MALRD1: variants seen among roughly 807,000 people sequenced by gnomAD.
MALRD1 encodes MAM and LDL-receptor class A domain-containing protein 1.
A neutral mutation model predicts 242.1 loss-of-function variants in MALRD1; 247 were observed. The observed-to-expected ratio is 1.02, with a 90% CI of 0.92 to 1.13. MALRD1 has a LOEUF of 1.13. Ranked by LOEUF, MALRD1 falls within the 50% of genes most tolerant of loss-of-function variation. The pLI is 0.00. For missense variants in MALRD1, 2,989 were observed against 2,533.1 expected, an observed-to-expected ratio of 1.18 and a Z score of -3.86; for synonymous variants, 995 against 866.6, an observed-to-expected ratio of 1.15 and a Z score of -2.60.
At chr10:19,494,918 T>C (rs1164628922) in intron 30 of MALRD1, among the ~76,000 whole-genome samples, 1 of 151,470 alleles carries the variant, frequency 6.6e-6, no homozygotes, top group East Asian at 1.9e-4. Flanking sequence ...ATTCAGGAAA[T>C]GAAGAGAACC....
intron 28 of MALRD1, among the ~76,000 whole-genome samples, chr10:19,426,664 A>G (rs1343311512): frequency 2.6e-5 from 4 of 152,022 alleles, no homozygotes; most frequent in Non-Finnish European, 4.4e-5. Flanking sequence ...TTAGCTGGGC[A>G]TGGTGGGGCA....
chr10:19,125,549 T>C (rs1034704862), intron 7 of MALRD1, among the ~76,000 whole-genome samples: 1 of 151,372 alleles, frequency 6.6e-6, no homozygotes, highest in Non-Finnish European at 1.5e-5. Flanking sequence ...CTTTCTTCCT[T>C]TTCTTGGAGG....
At chr10:19,345,894 C>T (rs1257043951) in intron 24 of MALRD1, among the ~76,000 whole-genome samples, 1 of 151,820 alleles carries the variant, frequency 6.6e-6, no homozygotes, top group Non-Finnish European at 1.5e-5. Context: ...TATATATCCC[C>T]AAATGACATA....
At chr10:19,501,585 C>T (rs539718522) in intron 31 of MALRD1, among the ~76,000 whole-genome samples, 1 of 152,114 alleles carries the variant, frequency 6.6e-6, no homozygotes, top group African/African-American at 2.4e-5. Context: ...ACTAGTACCC[C>T]CTTATTGTGC....
In MALRD1 at chr10:19,057,936, G is replaced by T. The variant is rs186379738; in HGVS notation, c.200-8783G>T. 3.4e-3 allele frequency among the ~76,000 whole-genome samples: 517 copies of T among 152,192 alleles called. 1 individual carries two copies. The highest frequency in any genetic ancestry group is 0.012 in the African/African-American group (506 of 41,538). On this transcript the variant is annotated intron_variant, in intron 1 of 39. Transcript: ENST00000454679. ...AGAATGTGATTGTTAAAAATATTAAGCATATGTGTAATATATTTAACAAAT... is the reference window on the plus strand; with the variant it reads ...AGAATGTGATTGTTAAAAATATTAATCATATGTGTAATATATTTAACAAAT...
chr10:19,233,353 T>C (rs1035793655), intron 18 of MALRD1, among the ~76,000 whole-genome samples: 1 of 151,988 alleles, frequency 6.6e-6, no homozygotes. Context: ...AATACAAAAA[T>C]TAGCCAGGTG....
At chr10:19,170,605 C>G (rs2131521462) in intron 13 of MALRD1, among the ~76,000 whole-genome samples, 1 of 152,120 alleles carries the variant, frequency 6.6e-6, no homozygotes, top group South Asian at 2.1e-4. Flanking sequence ...GTTGCTGGGT[C>G]CTTGGCCTGC....
intron 24 of MALRD1, among the ~76,000 whole-genome samples, chr10:19,342,617 G>T (rs1360373296): frequency 2.0e-5 from 3 of 152,104 alleles, no homozygotes; most frequent in Non-Finnish European, 4.4e-5. Flanking sequence ...GTAACACATT[G>T]CTTTGAAAAC....
rs753747290 is a variant in MALRD1, at chr10:19,730,860, A to G, written c.6390+79A>G. ...CACACACACACACACAGGCTGAACCAGTGTTGCTTGATCATGTTTCTACAT... is the reference window on the plus strand; with the variant it reads ...CACACACACACACACAGGCTGAACCGGTGTTGCTTGATCATGTTTCTACAT... On this transcript the variant is annotated intron_variant, in intron 39 of 39. Transcript: ENST00000454679. 3 of 1,265,332 alleles carry G rather than the reference A, an allele frequency of 2.4e-6. No homozygotes were observed. The African/African-American group carries it at 4.5e-5, about 19-fold the overall frequency. The allele number at this position is 1,265,332 out of a possible 1,614,324, so 78.4% of individuals were successfully genotyped here.
chr10:19,727,555 A>T (rs1234062402), intron 38 of MALRD1, among the ~76,000 whole-genome samples: 1 of 152,176 alleles, frequency 6.6e-6, no homozygotes, highest in African/African-American at 2.4e-5. Context: ...ATTTATATGA[A>T]TGCATGATAA....
intron 29 of MALRD1, among the ~76,000 whole-genome samples, chr10:19,466,220 A>G (rs370804878): frequency 3.3e-5 from 5 of 152,196 alleles, no homozygotes; most frequent in African/African-American, 9.6e-5. Flanking sequence ...TTCATTAACT[A>G]TATTAACCTT....
At chr10:19,573,587 C>A (rs1836665016) in intron 33 of MALRD1, among the ~76,000 whole-genome samples, 1 of 151,462 alleles carries the variant, frequency 6.6e-6, no homozygotes, top group Admixed American at 6.6e-5. Flanking sequence ...CCCCTTTCCC[C>A]CTAAAAAAGA....
At chr10:19,327,928 C>T (rs547351957) in intron 23 of MALRD1, among the ~76,000 whole-genome samples, 1 of 152,238 alleles carries the variant, frequency 6.6e-6, no homozygotes, top group Non-Finnish European at 1.5e-5. Flanking sequence ...CTCCTTCACT[C>T]CCCAGTCAGC....
intron 34 of MALRD1, among the ~76,000 whole-genome samples, chr10:19,605,265 C>T (rs150985367): frequency 0.013 from 1,963 of 151,492 alleles, 27 homozygotes; most frequent in Non-Finnish European, 0.02. Context: ...AGTGATTCTC[C>T]TTCCTCAGTC....
chr10:19,384,331 T>G (rs1336081432), intron 26 of MALRD1, among the ~76,000 whole-genome samples: 1 of 128,332 alleles, frequency 7.8e-6, no homozygotes, highest in Non-Finnish European at 1.6e-5. Context: ...TTATAGTATA[T>G]ATAATATAAT....
chr10:19,445,667 C>T (rs1033949653), intron 28 of MALRD1, among the ~76,000 whole-genome samples: 1 of 152,212 alleles, frequency 6.6e-6, no homozygotes, highest in African/African-American at 2.4e-5. Context: ...CCTCTGGAAT[C>T]TTTGTCTCAG....
At chr10:19,290,655 A>T (rs1357839919) in intron 21 of MALRD1, among the ~76,000 whole-genome samples, 1 of 152,186 alleles carries the variant, frequency 6.6e-6, no homozygotes, top group Non-Finnish European at 1.5e-5. Context: ...TCTAGTATTA[A>T]ATAAAATGAG....
At chr10:19,703,624 G>A (rs1220255598) in intron 38 of MALRD1, among the ~76,000 whole-genome samples, 3 of 152,254 alleles carry the variant, frequency 2.0e-5, no homozygotes, top group African/African-American at 4.8e-5. Context: ...GTCTGGTGCA[G>A]TGGCTCACAT....
At chr10:19,397,066 C>T (rs544970289) in intron 28 of MALRD1, among the ~76,000 whole-genome samples, 1 of 152,110 alleles carries the variant, frequency 6.6e-6, no homozygotes, top group Non-Finnish European at 1.5e-5. Context: ...ATTAGCTCAT[C>T]TATAACCTCA....
Sources: gnomAD v4.1 joint callset for allele counts (sites outside exome capture counted in the v4.1 genomes callset) on GRCh38, gnomAD v4.1.1 for gene constraint, MANE v1.5 for transcripts, NCBI Gene and HGNC (gene_info 2026-07-23, HGNC 2026-07-21) for gene names.